The following EYS variants were observed in gnomAD, a reference collection of about 807,000 sequenced individuals.
EYS encodes the protein EGF-like photoreceptor maintenance factor.
A neutral mutation model predicts 282.1 loss-of-function variants in EYS; 250 were observed. The observed-to-expected ratio is 0.89, with a 90% CI of 0.80 to 0.98. The LOEUF (loss-of-function observed/expected upper bound fraction) is 0.98. EYS is among the 50% of genes least tolerant of loss of function. The probability of loss-of-function intolerance (pLI) is 0.00; values close to 1 mark genes in which losing one functional copy is unlikely to be tolerated. For missense variants in EYS, 4,016 were observed against 3,709.0 expected (o/e 1.08, Z -2.15); for synonymous variants, 1,355 against 1,282.9 (o/e 1.06, Z -1.20).
chr6:65,215,872 T>C (rs1766299069), intron 12 of EYS, among the ~76,000 whole-genome samples: 1 of 152,200 alleles, frequency 6.6e-6, no homozygotes, highest in South Asian at 2.1e-4. Context: ...TAGCATATTT[T>C]AACAATGAAG....
At chr6:64,784,867 C>G (rs978738296) in intron 22 of EYS, among the ~76,000 whole-genome samples, 6 of 152,086 alleles carry the variant, frequency 3.9e-5, no homozygotes, top group African/African-American at 7.2e-5. Flanking sequence ...CTCCAGTTCA[C>G]AGATTGTACA....
intron 26 of EYS, among the ~76,000 whole-genome samples, chr6:64,496,708 A>T (rs2150509193): frequency 6.6e-6 from 1 of 152,136 alleles, no homozygotes; most frequent in South Asian, 2.1e-4. Flanking sequence ...GAGATAAATT[A>T]TAATGTTAAA....
At chr6:63,779,194 C>T (rs1770142879) in intron 39 of EYS, 1 of 151,588 alleles carries the variant, frequency 6.6e-6, no homozygotes, top group Non-Finnish European at 1.5e-5. Context: ...AACGGTGGCT[C>T]ATGCCTGTAA....
chr6:64,478,995 A>ATAAG (rs1006732785), intron 26 of EYS, among the ~76,000 whole-genome samples: 12 of 152,056 alleles, frequency 7.9e-5, no homozygotes, highest in African/African-American at 2.9e-4. Flanking sequence ...AATTGTCAAG[A>ATAAG]TAAGGTATTC....
At chr6:65,467,504 AACAC>A (rs5876966) in intron 5 of EYS, among the ~76,000 whole-genome samples, 1 of 150,546 alleles carries the variant, frequency 6.6e-6, no homozygotes, top group Admixed American at 6.6e-5. Context: ...TGACTATTTA[AACAC>A]ACACACACAC....
chr6:65,089,959 A>T (rs1264209194), intron 12 of EYS, among the ~76,000 whole-genome samples: 1 of 134,896 alleles, frequency 7.4e-6, no homozygotes, highest in Non-Finnish European at 1.5e-5. Context: ...AAAAAAAAAA[A>T]ATTATATATA....
At chr6:65,248,669 T>C (rs879682150) in intron 12 of EYS, among the ~76,000 whole-genome samples, 2 of 152,022 alleles carry the variant, frequency 1.3e-5, no homozygotes, top group Non-Finnish European at 2.9e-5. Context: ...CACATTTAAC[T>C]GTAAATAATA....
intron 11 of EYS, among the ~76,000 whole-genome samples, chr6:65,314,561 G>GT (rs1769248228): frequency 5.6e-5 from 6 of 106,408 alleles, no homozygotes; most frequent in African/African-American, 1.1e-4. Context: ...TTCCCCTTAT[G>GT]GTGTGTGTGT....
chr6:64,550,259 G>T (rs1032464922), intron 26 of EYS, among the ~76,000 whole-genome samples: 1 of 152,146 alleles, frequency 6.6e-6, no homozygotes, highest in East Asian at 1.9e-4. Flanking sequence ...CCCAGTAATG[G>T]GATTGCTGGG....
intron 24 of EYS, among the ~76,000 whole-genome samples, chr6:64,608,766 T>C (rs567343873): frequency 1.3e-5 from 2 of 152,210 alleles, no homozygotes; most frequent in African/African-American, 2.4e-5. Context: ...CCTGGAAGGA[T>C]ATTAAATCCC....
rs540208477 is a variant in EYS, at chr6:63,999,780, G to T, written c.6726-597C>A. Among the ~76,000 whole-genome samples the T allele has an allele frequency of 2.6e-5, 4 of 152,240 alleles. No homozygotes were observed. In the South Asian group the frequency reaches 8.3e-4, roughly 32 times the overall value. On this transcript the variant is annotated intron_variant, in intron 33 of 42. Coordinates refer to ENST00000503581, the MANE Select transcript of EYS (RefSeq NM_001142800.2). ...AGTTTGTAGAATGAATAGCAAAAAT[G>T]GTGAATACACAACTGAAAATTTATC...
intron 12 of EYS, among the ~76,000 whole-genome samples, chr6:65,139,272 A>C (rs115285696): frequency 6.6e-6 from 1 of 152,034 alleles, no homozygotes; most frequent in Non-Finnish European, 1.5e-5. Flanking sequence ...ATGAGATCAC[A>C]TCCTTTGAAA....
chr6:64,871,621 C>T (rs1424747302), intron 19 of EYS, among the ~76,000 whole-genome samples: 1 of 151,964 alleles, frequency 6.6e-6, no homozygotes, highest in African/African-American at 2.4e-5. Context: ...ACTATGTCTG[C>T]TCTCTTGGAG....
At chr6:65,022,757 A>G (rs1415905244) in intron 13 of EYS, among the ~76,000 whole-genome samples, 2 of 151,076 alleles carry the variant, frequency 1.3e-5, no homozygotes, top group African/African-American at 2.4e-5. Flanking sequence ...ATTTAATTTA[A>G]AAGGCATCTA....
chr6:64,847,374 C>T (rs1248244511), intron 19 of EYS, among the ~76,000 whole-genome samples: 1 of 151,942 alleles, frequency 6.6e-6, no homozygotes, highest in Admixed American at 6.6e-5. Context: ...AAATGATTTA[C>T]AAAAATCCTA....
At position 65,490,641 on chromosome 6, in the gene EYS, T is replaced by C; in HGVS notation, c.815A>G (p.Asn272Ser). 1 of 1,612,756 alleles carries C rather than the reference T, an allele frequency of 6.2e-7. No individual in the cohort carries two copies. Among genetic ancestry groups the C allele is most frequent in the South Asian group, 1.1e-5 (1 of 91,022 alleles). Residue 272 changes from asparagine to serine, a missense_variant, in exon 5 of 43, where the codon AAT becomes AGT. By Grantham distance (46) the Asn-to-Ser change is conservative. Transcript: ENST00000503581. ...ACAAATGAAACTATTTGAAGTAATA[T>C]TGCTGCAGTTTCCATGGAAACAGAC... ...PHVCFHGNCSNITSNSFICEC... is the reference protein window; with the variant it reads ...PHVCFHGNCSSITSNSFICEC...
At chr6:65,168,199 C>A (rs2150225710) in intron 12 of EYS, among the ~76,000 whole-genome samples, 1 of 151,230 alleles carries the variant, frequency 6.6e-6, no homozygotes, top group Middle Eastern at 3.4e-3. Context: ...ATGAAATTAT[C>A]TTTTCTTATA....
chr6:63,978,206 A>C (rs1382489949), intron 35 of EYS, among the ~76,000 whole-genome samples: 1 of 152,038 alleles, frequency 6.6e-6, no homozygotes, highest in Non-Finnish European at 1.5e-5. Flanking sequence ...TAACATAATA[A>C]GAAAGATAGG....
At chr6:65,203,413 C>T (rs1038691664) in intron 12 of EYS, among the ~76,000 whole-genome samples, 5 of 151,968 alleles carry the variant, frequency 3.3e-5, no homozygotes, top group African/African-American at 7.3e-5. Flanking sequence ...ATATTGCTAC[C>T]ACAACCCACA....
Sources: allele counts gnomAD v4.1 joint callset (sites outside exome capture counted in the v4.1 genomes callset), GRCh38; gene constraint gnomAD v4.1.1; transcripts MANE v1.5; gene names NCBI Gene and HGNC (gene_info 2026-07-23, HGNC 2026-07-21).